CXCL17: variants seen among roughly 807,000 people sequenced by gnomAD.
CXCL17 encodes the protein C-X-C motif chemokine 17.
A neutral mutation model predicts 15.5 loss-of-function variants in CXCL17; 9 were observed. The ratio of observed to expected loss-of-function variants is 0.58; its 90% CI spans 0.35 to 1.01. The LOEUF is 1.01. CXCL17 is among the 50% of genes least tolerant of loss of function. The probability of loss-of-function intolerance (pLI) is 0.02; values close to 1 mark genes in which losing one functional copy is unlikely to be tolerated. For synonymous variants in CXCL17, 52 were observed against 52.3 expected, an observed-to-expected ratio of 0.99 and a Z score of 0.02; for missense variants, 133 against 138.2, an observed-to-expected ratio of 0.96 and a Z score of 0.19.
chr19:42,441,601 A>C (rs2040892822), intron 1 of CXCL17, among the ~76,000 whole-genome samples: 1 of 152,192 alleles, frequency 6.6e-6, no homozygotes, highest in Non-Finnish European at 1.5e-5. Flanking sequence ...AACAGCTTCC[A>C]GAGCACTCTC....
chr19:42,435,630 G>A (rs2040826952), intron 1 of CXCL17, among the ~76,000 whole-genome samples: 1 of 152,034 alleles, frequency 6.6e-6, no homozygotes, highest in South Asian at 2.1e-4. Flanking sequence ...AGGAGTTTGA[G>A]ACCAGCCTGG....
intron 2 of CXCL17, 61 bp from the exon 3 acceptor site, chr19:42,433,138 G>A (rs2040800275): frequency 3.3e-6 from 4 of 1,228,748 alleles, no homozygotes; most frequent in African/African-American, 1.5e-5. Context: ...GAGGGAGTAG[G>A]ACAGAGCTTT....
chr19:42,430,104 G>GT (rs1373873518), intron 3 of CXCL17, among the ~76,000 whole-genome samples: 2 of 151,936 alleles, frequency 1.3e-5, no homozygotes, highest in Non-Finnish European at 2.9e-5. Flanking sequence ...GAGGTGAGCC[G>GT]TGATCATGCC....
intron 1 of CXCL17, among the ~76,000 whole-genome samples, chr19:42,435,498 A>G (rs2040824995): frequency 6.6e-6 from 1 of 152,028 alleles, no homozygotes; most frequent in African/African-American, 2.4e-5. Context: ...TCAGGCTGTT[A>G]TGGTGGGCCC....
At position 42,440,458 on chromosome 19, in the gene CXCL17, G is replaced by C. The variant is rs566527542; in HGVS notation, c.79+2296C>G. 2.4e-4 allele frequency among the ~76,000 whole-genome samples: 37 copies of C among 152,282 alleles called. 1 individual carries two copies. Among genetic ancestry groups the C allele is most frequent in the African/African-American group, 8.4e-4 (35 of 41,566 alleles). ...TGCACTGCAAAACTTTGCTTGGCTG[G>C]GAAACAAGATTTGAGCCCGGCCGCC... On this transcript the variant is annotated intron_variant, in intron 1 of 3. Coordinates refer to ENST00000601181, the MANE Select transcript of CXCL17 (RefSeq NM_198477.3).
rs912647674 is a variant in CXCL17, at chr19:42,442,691, G to A, written c.79+63C>T. The A allele has an allele frequency of 4.2e-6, 5 of 1,179,940 alleles. No individual in the cohort carries two copies. The African/African-American group carries it at 6.2e-5, about 15-fold the overall frequency. The allele number at this position is 1,179,940 out of a possible 1,614,324, so 73.1% of individuals were successfully genotyped here. ...GCTAAGAGAAGCTGCATTTTGATGT[G>A]TCTGTGGCCTGTTTTGCCACATTTC... On this transcript the variant is annotated intron_variant, in intron 1 of 3. Coordinates refer to ENST00000601181, the MANE Select transcript of CXCL17 (RefSeq NM_198477.3).
At position 42,428,688 on chromosome 19, in the gene CXCL17, GACTGACGAGAGAAGAAGAC is replaced by G. The variant is rs1272999935; in HGVS notation, c.*177_*195del. 1.7e-6 allele frequency: 1 copy of G among 589,350 alleles called. No homozygotes were observed. The highest frequency in any genetic ancestry group is 1.9e-5 in the African/African-American group (1 of 53,796). 36.5% of individuals were successfully genotyped at this position (589,350 alleles called of 1,614,324 possible). A position where few individuals can be genotyped will look rare whatever the true frequency, so the allele number is the denominator to read the frequency against. ...TGGGTAAGGGGAGGGCACAGGCTAAGACTGACGAGAGAAGAAGACACTAGAGAGAGCAACAAACAAAATG... is the reference window on the plus strand; with the variant it reads ...TGGGTAAGGGGAGGGCACAGGCTAAGACTAGAGAGAGCAACAAACAAAATG... On this transcript the variant is annotated 3_prime_UTR_variant, in exon 4 of 4. Coordinates refer to ENST00000601181, the MANE Select transcript of CXCL17 (RefSeq NM_198477.3).
At chr19:42,435,021 T>TA (rs1358850108) in intron 1 of CXCL17, among the ~76,000 whole-genome samples, 1 of 151,510 alleles carries the variant, frequency 6.6e-6, no homozygotes, top group African/African-American at 2.4e-5. Flanking sequence ...CTACTAAAAA[T>TA]ACAAAAAATT....
intron 1 of CXCL17, among the ~76,000 whole-genome samples, chr19:42,440,984 C>A (rs2040886425): frequency 6.6e-6 from 1 of 152,110 alleles, no homozygotes; most frequent in African/African-American, 2.4e-5. Context: ...GAACATCTCA[C>A]AATACACAGA....
At chr19:42,435,665 A>G (rs1231776970) in intron 1 of CXCL17, among the ~76,000 whole-genome samples, 1 of 151,988 alleles carries the variant, frequency 6.6e-6, no homozygotes, top group Non-Finnish European at 1.5e-5. Flanking sequence ...CCCTGTCTTT[A>G]CTAAAAATAC....
chr19:42,434,539 C>T (rs556342855), intron 1 of CXCL17, among the ~76,000 whole-genome samples: 1 of 152,256 alleles, frequency 6.6e-6, no homozygotes, highest in East Asian at 1.9e-4. Context: ...GTTGGTCCTC[C>T]CATCTCAGCC....
At chr19:42,440,313 A>C (rs1243466270) in intron 1 of CXCL17, among the ~76,000 whole-genome samples, 4 of 152,192 alleles carry the variant, frequency 2.6e-5, no homozygotes, top group Non-Finnish European at 4.4e-5. Context: ...CCCTGTGAAA[A>C]GCATATTGAG....
In CXCL17 at chr19:42,433,726, AGCTGGGGTCAT is replaced by A. The variant is rs767974960; in HGVS notation, c.160+39_160+49del. The A allele has an allele frequency of 6.7e-6, 10 of 1,487,522 alleles. No homozygotes were observed. In the East Asian group the frequency reaches 2.3e-4, roughly 34 times the overall value. The allele number at this position is 1,487,522 out of a possible 1,614,324, so 92.1% of individuals were successfully genotyped here. A position where few individuals can be genotyped will look rare whatever the true frequency, so the allele number is the denominator to read the frequency against. The stretch of plus-strand genomic sequence containing the variant: ...GGTCTCAGAGGGGCCCAAGGGAGAG[AGCTGGGGTCAT>A]GGTGATGCCATCGCTGTTGTTGTTG... On this transcript the variant is annotated intron_variant, in intron 2 of 3. Transcript: ENST00000601181.
intron 3 of CXCL17, among the ~76,000 whole-genome samples, chr19:42,432,516 C>T (rs1238785663): frequency 1.3e-5 from 2 of 152,066 alleles, no homozygotes; most frequent in African/African-American, 4.8e-5. Flanking sequence ...TACCTCTAAC[C>T]CCAGATCCTT....
At chr19:42,439,831 G>T (rs2040874461) in intron 1 of CXCL17, among the ~76,000 whole-genome samples, 1 of 152,228 alleles carries the variant, frequency 6.6e-6, no homozygotes, top group Non-Finnish European at 1.5e-5. Context: ...TCCCAGGTTG[G>T]AGGAGACCTA....
At chr19:42,434,555 G>A (rs1404747340) in intron 1 of CXCL17, among the ~76,000 whole-genome samples, 1 of 151,954 alleles carries the variant, frequency 6.6e-6, no homozygotes, top group East Asian at 1.9e-4. Context: ...CAGCCTCCTG[G>A]GTAGCTGAGG....
chr19:42,442,211 CTTCTT>C (rs1483728488), intron 1 of CXCL17, among the ~76,000 whole-genome samples: 3 of 143,918 alleles, frequency 2.1e-5, no homozygotes, highest in Admixed American at 7.0e-5. Flanking sequence ...TTGCAGATAT[CTTCTT>C]TTCTTTTCTT....
intron 3 of CXCL17, among the ~76,000 whole-genome samples, chr19:42,430,677 C>T (rs1340623595): frequency 6.6e-6 from 1 of 151,800 alleles, no homozygotes; most frequent in African/African-American, 2.4e-5. Flanking sequence ...CTTTCTCTCC[C>T]CCTCACAGTG....
At chr19:42,440,940 G>T (rs1349040345) in intron 1 of CXCL17, among the ~76,000 whole-genome samples, 2 of 152,160 alleles carry the variant, frequency 1.3e-5, no homozygotes, top group Non-Finnish European at 2.9e-5. Flanking sequence ...GCTGCTATTG[G>T]CATGTAGGGG....
Sources: allele counts gnomAD v4.1 joint callset (sites outside exome capture counted in the v4.1 genomes callset), GRCh38; gene constraint gnomAD v4.1.1; transcripts MANE v1.5; gene names NCBI Gene and HGNC (gene_info 2026-07-23, HGNC 2026-07-21).